GMPR: variants seen among roughly 807,000 people sequenced by gnomAD.
GMPR encodes guanosine monophosphate reductase, also known as GMP reductase 1.
In GMPR, 31 loss-of-function variants were observed where a neutral mutation model predicts 38.4. The ratio of observed to expected loss-of-function variants is 0.81; its 90% CI spans 0.61 to 1.09. The LOEUF is 1.09. Ranked by LOEUF, GMPR falls within the 50% of genes least tolerant of loss-of-function variation. The pLI is 0.00. For synonymous variants in GMPR, 162 were observed against 173.3 expected (o/e 0.93, Z 0.51); for missense variants, 468 against 453.7 (o/e 1.03, Z -0.29).
intron 6 of GMPR, among the ~76,000 whole-genome samples, chr6:16,279,298 G>A (rs946825111): frequency 9.2e-5 from 14 of 152,176 alleles, no homozygotes; most frequent in Admixed American, 4.6e-4. Flanking sequence ...CCCAGGGAAG[G>A]ATCTGTTGCA....
At chr6:16,286,671 G>A (rs969734618) in intron 7 of GMPR, among the ~76,000 whole-genome samples, 1 of 152,050 alleles carries the variant, frequency 6.6e-6, no homozygotes, top group African/African-American at 2.4e-5. Context: ...AGCACTTTGG[G>A]AGGCCGAGGT....
chr6:16,256,216 A>T (rs544726457), intron 4 of GMPR, among the ~76,000 whole-genome samples: 1 of 116,008 alleles, frequency 8.6e-6, no homozygotes, highest in Non-Finnish European at 1.7e-5. Context: ...ACTCCGTCTC[A>T]AAAAAAAAAA....
chr6:16,245,467 T>C (rs1037946349), intron 1 of GMPR, among the ~76,000 whole-genome samples: 1 of 152,228 alleles, frequency 6.6e-6, no homozygotes, highest in Non-Finnish European at 1.5e-5. Context: ...AGGTAAACAC[T>C]GGCAGAAAAT....
At chr6:16,268,142 T>G (rs1227349248) in intron 4 of GMPR, among the ~76,000 whole-genome samples, 2 of 152,212 alleles carry the variant, frequency 1.3e-5, no homozygotes, top group East Asian at 3.8e-4. Flanking sequence ...ATTTTCTGTA[T>G]TCACCCACTT....
chr6:16,265,953 C>T (rs528917437), intron 4 of GMPR, among the ~76,000 whole-genome samples: 17 of 152,128 alleles, frequency 1.1e-4, no homozygotes, highest in South Asian at 4.1e-4. Context: ...AGCCACCCGC[C>T]GGGAGAAAGG....
At chr6:16,267,984 C>T (rs921613229) in intron 4 of GMPR, among the ~76,000 whole-genome samples, 4 of 152,196 alleles carry the variant, frequency 2.6e-5, no homozygotes, top group Non-Finnish European at 5.9e-5. Context: ...CAGATGTTTC[C>T]GCTGTACGCC....
chr6:16,265,742 G>A (rs959690960), intron 4 of GMPR, among the ~76,000 whole-genome samples: 3 of 152,220 alleles, frequency 2.0e-5, no homozygotes, highest in Non-Finnish European at 4.4e-5. Flanking sequence ...CAATCAGCAG[G>A]ATGTGGGCGG....
chr6:16,267,894 A>AG (rs1759296042), intron 4 of GMPR, among the ~76,000 whole-genome samples: 1 of 152,222 alleles, frequency 6.6e-6, no homozygotes, highest in African/African-American at 2.4e-5. Flanking sequence ...CTGGATCTCC[A>AG]GGGCGGGACC....
chr6:16,277,489 A>G (rs1759493008), intron 5 of GMPR, among the ~76,000 whole-genome samples: 1 of 152,178 alleles, frequency 6.6e-6, no homozygotes, highest in Non-Finnish European at 1.5e-5. Flanking sequence ...CGTGCACACC[A>G]CAAGACCTCC....
intron 4 of GMPR, among the ~76,000 whole-genome samples, chr6:16,272,375 T>A (rs943448001): frequency 6.6e-6 from 1 of 152,240 alleles, no homozygotes; most frequent in Non-Finnish European, 1.5e-5. Flanking sequence ...ATTATTTCCT[T>A]GGCAGAGAAT....
intron 1 of GMPR, among the ~76,000 whole-genome samples, chr6:16,244,628 G>A (rs764209651): frequency 6.6e-6 from 1 of 152,112 alleles, no homozygotes; most frequent in Non-Finnish European, 1.5e-5. Flanking sequence ...GTTACTTTAT[G>A]TTCCCTTTCA....
intron 4 of GMPR, among the ~76,000 whole-genome samples, chr6:16,266,466 A>ATGGCCGGG: frequency 7.1e-6 from 1 of 141,694 alleles, no homozygotes; most frequent in South Asian, 2.2e-4. Context: ...GAGCTGTAAC[A>ATGGCCGGG]CTTCCTGTGG....
chr6:16,268,970 A>G (rs1004525702), intron 4 of GMPR, among the ~76,000 whole-genome samples: 1 of 151,320 alleles, frequency 6.6e-6, no homozygotes, highest in Admixed American at 6.6e-5. Context: ...GTTCAGTGGC[A>G]CTAAGTCCCT....
intron 7 of GMPR, among the ~76,000 whole-genome samples, chr6:16,288,160 G>C (rs1759727173): frequency 6.6e-6 from 1 of 152,258 alleles, no homozygotes; most frequent in South Asian, 2.1e-4. Context: ...GGCAGCACTT[G>C]AGGAGCCCTT....
At chr6:16,294,896 T>C in intron 8 of GMPR, 110 bp from the exon 9 acceptor site, 2 of 812,568 alleles carry the variant, frequency 2.5e-6, no homozygotes, top group African/African-American at 1.8e-5. Context: ...GGTCTGGTTT[T>C]CTGAGTGCCT....
chr6:16,282,322 C>T (rs1759590015), intron 6 of GMPR, among the ~76,000 whole-genome samples: 1 of 152,196 alleles, frequency 6.6e-6, no homozygotes. Context: ...TTTGTTATCA[C>T]ACCATTATTT....
In GMPR at chr6:16,295,103, G is replaced by T; in HGVS notation, c.955G>T (p.Val319Leu). 1 of 1,581,316 alleles carries T rather than the reference G, an allele frequency of 6.3e-7. No homozygotes were observed. Among genetic ancestry groups the T allele is most frequent in the South Asian group, 1.1e-5 (1 of 87,528 alleles). The stretch of plus-strand genomic sequence containing the variant: ...GGGACTGAGGTCCACGTGCACCTAC[G>T]TGGGGGCCGCCAAACTCAAGGAGCT... ...LGGLRSTCTY[V>L]GAAKLKELSR... The change falls in exon 9 of 9, where the codon GTG becomes TTG. Residue 319 changes from valine (V) to leucine (L), a missense_variant. Physicochemically the swap from Val to Leu is conservative, Grantham distance 32. Coordinates refer to ENST00000259727, the MANE Select transcript of GMPR (RefSeq NM_006877.4).
intron 4 of GMPR, among the ~76,000 whole-genome samples, chr6:16,267,228 C>A (rs13194968): frequency 1.3e-5 from 2 of 151,982 alleles, no homozygotes; most frequent in Non-Finnish European, 2.9e-5. Context: ...AAAAATTAGT[C>A]GGGTGCAGTG....
chr6:16,271,167 A>G (rs1759377238), intron 4 of GMPR, among the ~76,000 whole-genome samples: 1 of 151,966 alleles, frequency 6.6e-6, no homozygotes, highest in Admixed American at 6.5e-5. Context: ...GTGGCGCCAG[A>G]TTGGGGAAAA....
Sources: gnomAD v4.1 joint callset for allele counts (sites outside exome capture counted in the v4.1 genomes callset) on GRCh38, gnomAD v4.1.1 for gene constraint, MANE v1.5 for transcripts, NCBI Gene and HGNC (gene_info 2026-07-23, HGNC 2026-07-21) for gene names.